Variants in FRYL observed in about 807,000 individuals in gnomAD.
The protein encoded by FRYL is protein furry homolog-like.
In FRYL, 150 loss-of-function variants were observed where a neutral mutation model predicts 351.2. That is an observed-to-expected ratio of 0.43 (90% CI 0.37 to 0.49). FRYL has a LOEUF of 0.49. Ranked by LOEUF, FRYL falls within the 20% of genes least tolerant of loss-of-function variation. The pLI is 0.00. For synonymous variants in FRYL, 1,153 were observed against 1,257.1 expected, an observed-to-expected ratio of 0.92 and a Z score of 1.75; for missense variants, 3,036 against 3,619.3, an observed-to-expected ratio of 0.84 and a Z score of 4.13.
chr4:48,713,319 G>A (rs1012089948), intron 1 of FRYL, among the ~76,000 whole-genome samples: 1 of 152,088 alleles, frequency 6.6e-6, no homozygotes, highest in Non-Finnish European at 1.5e-5. Flanking sequence ...AAAAGACACT[G>A]ACTGGCAAAT....
intron 2 of FRYL, among the ~76,000 whole-genome samples, chr4:48,701,321 G>A (rs190496196): frequency 6.6e-6 from 1 of 152,246 alleles, no homozygotes; most frequent in East Asian, 1.9e-4. Flanking sequence ...CAACAAATCT[G>A]TAAAAACCCC....
intron 3 of FRYL, among the ~76,000 whole-genome samples, chr4:48,650,844 C>G (rs1440196550): frequency 6.6e-6 from 1 of 152,090 alleles, no homozygotes; most frequent in Non-Finnish European, 1.5e-5. Flanking sequence ...GAGGCCTGAA[C>G]TAGGATAGTG....
chr4:48,759,336 G>T (rs1298613575), intron 1 of FRYL, among the ~76,000 whole-genome samples: 1 of 152,140 alleles, frequency 6.6e-6, no homozygotes, highest in Non-Finnish European at 1.5e-5. Flanking sequence ...GCAGACAAGG[G>T]TTAAGGTTAG....
At chr4:48,762,277 A>G (rs973516906) in intron 1 of FRYL, among the ~76,000 whole-genome samples, 3 of 152,228 alleles carry the variant, frequency 2.0e-5, no homozygotes. Context: ...TATTATGAAC[A>G]TTTTAACATA....
chr4:48,676,826 A>G (rs1578684643), intron 3 of FRYL, among the ~76,000 whole-genome samples: 1 of 152,260 alleles, frequency 6.6e-6, no homozygotes, highest in African/African-American at 2.4e-5. Flanking sequence ...TATGAAGTCT[A>G]ACCAAAGCAT....
chr4:48,738,703 C>T (rs991035159), intron 1 of FRYL, among the ~76,000 whole-genome samples: 1 of 148,850 alleles, frequency 6.7e-6, no homozygotes, highest in African/African-American at 2.5e-5. Flanking sequence ...CAGGGTCTCG[C>T]TATGCTGCCC....
At chr4:48,676,894 G>T (rs894905906) in intron 3 of FRYL, among the ~76,000 whole-genome samples, 2 of 152,186 alleles carry the variant, frequency 1.3e-5, no homozygotes, top group Non-Finnish European at 2.9e-5. Context: ...ATTGAATTAT[G>T]TAATATTTAA....
At chr4:48,513,577 C>T (rs955828072) in intron 56 of FRYL, among the ~76,000 whole-genome samples, 4 of 152,098 alleles carry the variant, frequency 2.6e-5, no homozygotes, top group African/African-American at 7.2e-5. Flanking sequence ...TTGCATGTTT[C>T]GCATTACAAG....
intron 55 of FRYL, among the ~76,000 whole-genome samples, chr4:48,520,246 C>T (rs1724619361): frequency 6.6e-6 from 1 of 152,100 alleles, no homozygotes; most frequent in Non-Finnish European, 1.5e-5. Context: ...ATAAGGAAGC[C>T]AAAGTGCCTT....
chr4:48,582,964 C>A (rs1741239740), intron 19 of FRYL, among the ~76,000 whole-genome samples: 1 of 152,116 alleles, frequency 6.6e-6, no homozygotes, highest in Non-Finnish European at 1.5e-5. Flanking sequence ...GGTGTTTTTA[C>A]TATAATCTGA....
Position 48,661,203 on chromosome 4 carries a change from T to TA in FRYL, c.-81+23469dup, listed in dbSNP as rs1047981255. 6.6e-5 allele frequency among the ~76,000 whole-genome samples: 10 copies of TA among 152,098 alleles called. No individual in the cohort carries two copies. The East Asian group carries it at 7.7e-4, about 12-fold the overall frequency. ...AAGTATTCCGAAATAAAAAGTTTGT[T>TA]AAAAAAAATTTCATTTTCAAGACTT... On this transcript the variant is annotated intron_variant, in intron 3 of 63. Transcript: ENST00000358350.
intron 61 of FRYL, among the ~76,000 whole-genome samples, chr4:48,502,518 C>T (rs1719935302): frequency 6.7e-6 from 1 of 150,198 alleles, no homozygotes; most frequent in South Asian, 2.1e-4. Context: ...GCCCTCCAAG[C>T]CTGGGCAACA....
At position 48,710,952 on chromosome 4, in the gene FRYL, C is replaced by T. The variant is rs139253703; in HGVS notation, c.-383-254G>A. On this transcript the variant is annotated intron_variant, in intron 1 of 63. Transcript: ENST00000358350. Reference sequence around the variant, plus strand: ...AAGGCAGAAACAACCTAAATGTCATCAATTGATGAACAGATAAATAAAATG... The same window carrying T: ...AAGGCAGAAACAACCTAAATGTCATTAATTGATGAACAGATAAATAAAATG... Among the ~76,000 whole-genome samples, 240 of 152,260 alleles carry T rather than the reference C, an allele frequency of 1.6e-3. 1 individual carries two copies. Among genetic ancestry groups the T allele is most frequent in the African/African-American group, 5.6e-3 (232 of 41,536 alleles).
At chr4:48,702,027 C>T (rs1766772870) in intron 2 of FRYL, among the ~76,000 whole-genome samples, 1 of 152,172 alleles carries the variant, frequency 6.6e-6, no homozygotes, top group East Asian at 1.9e-4. Context: ...CCCAAAAGTT[C>T]TATTCAAAAT....
intron 3 of FRYL, among the ~76,000 whole-genome samples, chr4:48,641,834 T>TA (rs1216973919): frequency 1.3e-5 from 2 of 152,218 alleles, no homozygotes; most frequent in African/African-American, 4.8e-5. Flanking sequence ...ATTTTGGTTA[T>TA]ATCTTCTAAT....
At chr4:48,705,877 C>T (rs1412222588) in intron 2 of FRYL, among the ~76,000 whole-genome samples, 2 of 152,230 alleles carry the variant, frequency 1.3e-5, no homozygotes, top group African/African-American at 4.8e-5. Flanking sequence ...CACTCTGTCG[C>T]CCAGGCTGGA....
chr4:48,619,414 T>A (rs764963891), intron 6 of FRYL, 44 bp from the exon 7 acceptor site: 8 of 1,097,584 alleles, frequency 7.3e-6, no homozygotes, highest in Non-Finnish European at 6.5e-6. Flanking sequence ...AGATTATGAC[T>A]TTAAAAATAC....
chr4:48,544,875 T>C lies in FRYL; in HGVS notation c.5309A>G (p.Asp1770Gly). ...TATGCTAGGATTCTTGGCAGAAACA[T>C]CCTCATGGTTCCAAAGGGGCCCTCT... is the stretch of plus-strand genomic sequence containing the variant. ...RKRGPLWNHE[D>G]VSAKNPSIKS... is the part of the protein sequence containing the mutation. Residue 1770 changes from aspartate to glycine, a missense_variant, in exon 43 of 64, where the codon GAT becomes GGT. Around this residue, in one of 7 missense-constraint regions of FRYL, gnomAD observed 1,987 missense variants for 2,311.7 expected, o/e 0.86. Transcript: ENST00000358350. 2 of 1,606,376 alleles carry C rather than the reference T, an allele frequency of 1.2e-6. No individual in the cohort carries two copies. Among genetic ancestry groups the C allele is most frequent in the Non-Finnish European group, 8.5e-7 (1 of 1,177,504 alleles).
intron 7 of FRYL, among the ~76,000 whole-genome samples, chr4:48,612,382 C>G (rs1229136898): frequency 6.6e-6 from 1 of 152,098 alleles, no homozygotes; most frequent in East Asian, 1.9e-4. Flanking sequence ...TCCAAGAAGG[C>G]AGAGCAAAAA....
Sources: gnomAD v4.1 joint callset for allele counts (sites outside exome capture counted in the v4.1 genomes callset) on GRCh38, gnomAD v4.1.1 for gene constraint, gnomAD v4.1.1 regional missense constraint, MANE v1.5 for transcripts, NCBI Gene and HGNC (gene_info 2026-07-23, HGNC 2026-07-21) for gene names.